ORC2: variants seen among roughly 807,000 people sequenced by gnomAD.
ORC2 encodes the protein origin recognition complex subunit 2.
ORC2 carries 37 observed loss-of-function variants against 77.7 expected under a neutral mutation model. The observed-to-expected ratio is 0.48, with a 90% confidence interval of 0.37 to 0.63. The LOEUF (loss-of-function observed/expected upper bound fraction) is 0.63. Ranked by LOEUF, ORC2 falls within the 20% of genes least tolerant of loss-of-function variation. The pLI, the probability that ORC2 is intolerant of heterozygous loss-of-function variation, is 0.00. For missense variants in ORC2, 557 were observed against 661.9 expected, an observed-to-expected ratio of 0.84 and a Z score of 1.74; for synonymous variants, 201 against 229.5, an observed-to-expected ratio of 0.88 and a Z score of 1.12.
At chr2:200,939,885 C>A (rs2041116533) in intron 7 of ORC2, among the ~76,000 whole-genome samples, 1 of 152,032 alleles carries the variant, frequency 6.6e-6, no homozygotes, top group Admixed American at 6.5e-5. Context: ...GAGTTTTTTT[C>A]CTTTTATAGT....
intron 11 of ORC2, among the ~76,000 whole-genome samples, 170 bp downstream of exon 11, chr2:200,931,169 A>G (rs2040931965): frequency 3.3e-5 from 5 of 152,192 alleles, no homozygotes; most frequent in Admixed American, 3.3e-4. Context: ...GTCATACAAT[A>G]AAGTGACATT....
intron 4 of ORC2, among the ~76,000 whole-genome samples, chr2:200,954,195 G>C (rs2041421016): frequency 6.6e-6 from 1 of 152,022 alleles, no homozygotes; most frequent in Non-Finnish European, 1.5e-5. Context: ...ACCACGCCCA[G>C]CTAATTTTTT....
chr2:200,935,764 T>C lies in ORC2; in HGVS notation c.643A>G (p.Asn215Asp). ...CCAACAGGAGCTGAAACTACTCTAT[T>C]CTGAGCTTGAATCTTTTGGCTGAAT... ...VIFSQKIQAQ[N>D]RVVSAPVGKE... is the part of the protein sequence containing the mutation. Residue 215 changes from asparagine (N) to aspartate (D), a missense_variant, in exon 9 of 18, where the codon AAT becomes GAT. Transcript: ENST00000234296. The C allele has an allele frequency of 1.2e-6, 2 of 1,614,146 alleles. No homozygotes were observed. Among genetic ancestry groups the C allele is most frequent in the South Asian group, 2.2e-5 (2 of 91,086 alleles).
chr2:200,911,428 G>C (rs1291594658), intron 17 of ORC2, 41 bp from the exon 18 acceptor site: 1 of 1,099,342 alleles, frequency 9.1e-7, no homozygotes, highest in Non-Finnish European at 1.4e-6. Flanking sequence ...TCATTCATAA[G>C]AGGTATATGA....
At chr2:200,911,649 C>A (rs2040553231) in intron 17 of ORC2, among the ~76,000 whole-genome samples, 1 of 152,128 alleles carries the variant, frequency 6.6e-6, no homozygotes, top group South Asian at 2.1e-4. Context: ...GATCATTCTT[C>A]ACCTTCCTGC....
At chr2:200,944,790 TC>T (rs2041222124) in intron 5 of ORC2, among the ~76,000 whole-genome samples, 1 of 152,228 alleles carries the variant, frequency 6.6e-6, no homozygotes, top group Admixed American at 6.5e-5. Flanking sequence ...TCCTCCCGCC[TC>T]GGCCTCTCAA....
intron 12 of ORC2, among the ~76,000 whole-genome samples, chr2:200,926,174 G>A (rs1300286017): frequency 6.6e-6 from 1 of 151,974 alleles, no homozygotes; most frequent in Non-Finnish European, 1.5e-5. Context: ...TAATATAAGA[G>A]GGCAGCAAAA....
At chr2:200,923,280 G>A (rs1185069452) in intron 13 of ORC2, among the ~76,000 whole-genome samples, 3 of 151,968 alleles carry the variant, frequency 2.0e-5, no homozygotes, top group Non-Finnish European at 4.4e-5. Flanking sequence ...ACGGAGTCTC[G>A]CTCTGTTGCC....
intron 13 of ORC2, among the ~76,000 whole-genome samples, chr2:200,922,752 C>A (rs1474339603): frequency 6.6e-6 from 1 of 152,122 alleles, no homozygotes; most frequent in Non-Finnish European, 1.5e-5. Flanking sequence ...CACAGACGCA[C>A]ACAAATATAA....
intron 5 of ORC2, among the ~76,000 whole-genome samples, chr2:200,945,542 C>T (rs561486565): frequency 3.3e-5 from 5 of 151,742 alleles, no homozygotes; most frequent in Admixed American, 6.6e-5. Context: ...ACGTTCCAGC[C>T]GGGGCAATAC....
At chr2:200,912,007 A>C (rs1364413371) in intron 17 of ORC2, among the ~76,000 whole-genome samples, 1 of 152,220 alleles carries the variant, frequency 6.6e-6, no homozygotes, top group African/African-American at 2.4e-5. Context: ...AGCATCTGAC[A>C]CTGCTGACTA....
intron 11 of ORC2, 48 bp downstream of exon 11, chr2:200,931,291 G>C: frequency 1.3e-6 from 1 of 780,666 alleles, no homozygotes; most frequent in Non-Finnish European, 2.0e-6. Flanking sequence ...AAAGATTCAT[G>C]TAAATATTAT....
intron 5 of ORC2, among the ~76,000 whole-genome samples, chr2:200,947,728 T>C (rs753211743): frequency 3.9e-4 from 60 of 152,006 alleles, no homozygotes; most frequent in Admixed American, 2.0e-4. Context: ...TACAGTGCCA[T>C]CTGATTTTTT....
chr2:200,958,604 G>C (rs529477782), intron 2 of ORC2, among the ~76,000 whole-genome samples: 1 of 152,266 alleles, frequency 6.6e-6, no homozygotes, highest in South Asian at 2.1e-4. Context: ...AACTTCACTT[G>C]TGTCCTAAGC....
chr2:200,955,505 C>T (rs1242858701), intron 4 of ORC2, among the ~76,000 whole-genome samples: 1 of 152,028 alleles, frequency 6.6e-6, no homozygotes, highest in Non-Finnish European at 1.5e-5. Flanking sequence ...ATTTCTATGT[C>T]CAGATTTTAA....
rs1361649947 is a variant in ORC2, at chr2:200,963,490, C to T, written c.-60G>A. The T allele has an allele frequency of 2.5e-6, 1 of 398,552 alleles. No homozygotes were observed. Among genetic ancestry groups the T allele is most frequent in the African/African-American group, 2.1e-5 (1 of 48,648 alleles). The allele number at this position is 398,552 out of a possible 1,614,324, so 24.7% of individuals were successfully genotyped here. A position where few individuals can be genotyped will look rare whatever the true frequency, so the allele number is the denominator to read the frequency against. On this transcript the variant is annotated splice_region_variant and 5_prime_UTR_variant, in exon 1 of 18. Coordinates refer to ENST00000234296, the MANE Select transcript of ORC2 (RefSeq NM_006190.5). ...GCTGCCCCGACACCCCACTACTCAC[C>T]GCTAGGTTTCCGTCTGGCGCCGATC...
intron 8 of ORC2, among the ~76,000 whole-genome samples, chr2:200,936,848 A>G (rs898090610): frequency 1.3e-5 from 2 of 152,232 alleles, no homozygotes; most frequent in East Asian, 3.8e-4. Context: ...CCAGTTTCAC[A>G]CTAAACAGGC....
Position 200,914,005 on chromosome 2 carries a change from A to C in ORC2, c.1467-13T>G, listed in dbSNP as rs779741510. 1.3e-5 allele frequency: 20 copies of C among 1,530,014 alleles called. No individual in the cohort carries two copies. Among genetic ancestry groups the C allele is most frequent in the South Asian group, 8.4e-5 (7 of 83,634 alleles). The allele number at this position is 1,530,014 out of a possible 1,614,324, so 94.8% of individuals were successfully genotyped here. ...CCTGAAAATTCCCCTAAAAAAAAAA[A>C]AAAACAGGAATTTAAATCCAAAAAT... On this transcript the variant is annotated splice_polypyrimidine_tract_variant and intron_variant, in intron 15 of 17. Coordinates refer to ENST00000234296, the MANE Select transcript of ORC2 (RefSeq NM_006190.5).
chr2:200,935,023 A>G (rs1428289004), intron 9 of ORC2, among the ~76,000 whole-genome samples: 1 of 152,246 alleles, frequency 6.6e-6, no homozygotes, highest in Admixed American at 6.5e-5. Flanking sequence ...AAAACAAGAT[A>G]CACTGAGAAC....
Sources: gnomAD v4.1 joint callset for allele counts (sites outside exome capture counted in the v4.1 genomes callset) on GRCh38, gnomAD v4.1.1 for gene constraint, MANE v1.5 for transcripts, NCBI Gene and HGNC (gene_info 2026-07-23, HGNC 2026-07-21) for gene names.